MDGA2: variants seen among roughly 807,000 people sequenced by gnomAD.
MDGA2 encodes the protein MAM domain-containing glycosylphosphatidylinositol anchor protein 2.
MDGA2 carries 40 observed loss-of-function variants against 117.8 expected under a neutral mutation model. The ratio of observed to expected loss-of-function variants is 0.34; its 90% CI spans 0.26 to 0.44. The LOEUF is 0.44. Ranked by LOEUF, MDGA2 falls within the 20% of genes least tolerant of loss-of-function variation. MDGA2 has a pLI of 1.00. For missense variants in MDGA2, 1,123 were observed against 1,250.6 expected (o/e 0.90, Z 1.54); for synonymous variants, 452 against 439.0 (o/e 1.03, Z -0.37).
intron 1 of MDGA2, among the ~76,000 whole-genome samples, chr14:47,474,211 A>G (rs1457518035): frequency 1.3e-5 from 2 of 152,208 alleles, no homozygotes; most frequent in African/African-American, 2.4e-5. Flanking sequence ...GAGCCAAATC[A>G]TAAATAAACT....
chr14:47,059,361 T>C, intron 7 of MDGA2: 1 of 1,251,152 alleles, frequency 8.0e-7, no homozygotes, highest in Non-Finnish European at 1.0e-6. Context: ...ATATATTTCT[T>C]TTATCTCCAA....
At chr14:47,311,231 TATC>T in intron 1 of MDGA2, among the ~76,000 whole-genome samples, 1 of 152,278 alleles carries the variant, frequency 6.6e-6, no homozygotes, top group Admixed American at 6.5e-5. Context: ...AAATTAGTCT[TATC>T]ATTGTGCTCC....
chr14:47,505,868 A>T (rs1468453665), intron 1 of MDGA2, among the ~76,000 whole-genome samples: 2 of 152,286 alleles, frequency 1.3e-5, no homozygotes, highest in African/African-American at 4.8e-5. Flanking sequence ...CTAAATTTAG[A>T]AAAATAATAA....
intron 3 of MDGA2, among the ~76,000 whole-genome samples, chr14:47,180,021 TAACTTTTATTTTA>T (rs35725135): frequency 0.21 from 32,110 of 150,494 alleles, 3,819 homozygotes; most frequent in East Asian, 0.42. Context: ...TTCTATTCTT[TAACTTTTATTTTA>T]AACTTTTATT....
intron 15 of MDGA2, among the ~76,000 whole-genome samples, chr14:46,851,552 T>C: frequency 6.6e-6 from 1 of 151,856 alleles, no homozygotes. Context: ...GCAAACTAAT[T>C]GGACACACTC....
rs150976862 is a variant in MDGA2, at chr14:47,532,744, T to C, written c.280+141773A>G. Reference sequence around the variant, plus strand: ...AACTTTTTATTGCTGCCAGTAACAGTAGAACTAATCCAAAGTCATTTTTTA... The same window carrying C: ...AACTTTTTATTGCTGCCAGTAACAGCAGAACTAATCCAAAGTCATTTTTTA... On this transcript the variant is annotated intron_variant, in intron 1 of 16. Transcript: ENST00000399232. Among the ~76,000 whole-genome samples, 813 of 152,286 alleles carry C rather than the reference T, an allele frequency of 5.3e-3. 9 individuals carry two copies. Among genetic ancestry groups the C allele is most frequent in the African/African-American group, 0.019 (771 of 41,512 alleles).
chr14:47,640,750 C>T (rs562604177), intron 1 of MDGA2, among the ~76,000 whole-genome samples: 4 of 152,034 alleles, frequency 2.6e-5, no homozygotes, highest in Non-Finnish European at 4.4e-5. Flanking sequence ...AATATCCTCA[C>T]GTCCCTCAAT....
intron 1 of MDGA2, among the ~76,000 whole-genome samples, chr14:47,436,495 T>G (rs1892901187): frequency 6.6e-6 from 1 of 152,038 alleles, no homozygotes; most frequent in South Asian, 2.1e-4. Flanking sequence ...GAAAAGAACT[T>G]CCCCTGATGG....
intron 9 of MDGA2, among the ~76,000 whole-genome samples, chr14:46,954,835 T>C (rs1885503256): frequency 6.6e-6 from 1 of 152,122 alleles, no homozygotes; most frequent in Non-Finnish European, 1.5e-5. Flanking sequence ...TATTTTCAAC[T>C]TAAGCCATCC....
At chr14:47,289,644 A>G (rs1298925123) in intron 2 of MDGA2, among the ~76,000 whole-genome samples, 2 of 152,080 alleles carry the variant, frequency 1.3e-5, no homozygotes. Context: ...TTAAAATGAT[A>G]TATTTATAAC....
chr14:46,957,626 G>A lies in MDGA2; in HGVS notation c.1837C>T (p.Pro613Ser). ...CCTTGCCGGATTTCCAAGAATGCTG[G>A]TTCCACTGCAGGGGGATCTGTAGAA... ...LIVQYPPAVE[P>S]AFLEIRQGQD... Residue 613 changes from proline to serine, a missense_variant, in exon 9 of 17, where the codon CCA becomes TCA. Pro to Ser is a moderately conservative substitution (Grantham distance 74). Around this residue, in one of 2 missense-constraint regions of MDGA2, gnomAD observed 890 missense variants for 1,050.3 expected, o/e 0.85. Coordinates refer to ENST00000399232, the MANE Select transcript of MDGA2 (RefSeq NM_001113498.3). 1.2e-6 allele frequency: 2 copies of A among 1,614,116 alleles called. No homozygotes were observed. Among genetic ancestry groups the A allele is most frequent in the Non-Finnish European group, 8.5e-7 (1 of 1,179,976 alleles).
chr14:46,932,899 GAACT>G (rs1452547172), intron 9 of MDGA2, among the ~76,000 whole-genome samples: 1 of 151,478 alleles, frequency 6.6e-6, no homozygotes, highest in Non-Finnish European at 1.5e-5. Flanking sequence ...AAGATTTCTA[GAACT>G]AATAAGTTAG....
chr14:47,290,016 C>T (rs1316195223), intron 2 of MDGA2, among the ~76,000 whole-genome samples: 1 of 152,144 alleles, frequency 6.6e-6, no homozygotes, highest in Admixed American at 6.6e-5. Flanking sequence ...ATCTCTATCA[C>T]ACAAAATTCC....
chr14:47,275,274 G>A (rs918309214), intron 2 of MDGA2, among the ~76,000 whole-genome samples: 1 of 152,090 alleles, frequency 6.6e-6, no homozygotes, highest in African/African-American at 2.4e-5. Context: ...TTAGAACAGG[G>A]TAGAGTCCCA....
At chr14:47,576,022 C>A (rs1339312756) in intron 1 of MDGA2, among the ~76,000 whole-genome samples, 1 of 152,102 alleles carries the variant, frequency 6.6e-6, no homozygotes, top group Non-Finnish European at 1.5e-5. Flanking sequence ...ATAATTACAT[C>A]ATGTTTGCTT....
intron 1 of MDGA2, among the ~76,000 whole-genome samples, chr14:47,340,400 A>T (rs531917490): frequency 6.6e-5 from 10 of 152,306 alleles, no homozygotes; most frequent in African/African-American, 2.2e-4. Flanking sequence ...AATGAAAAAT[A>T]AAAAATAGCC....
chr14:46,909,561 C>A (rs568541617), intron 10 of MDGA2, among the ~76,000 whole-genome samples: 28 of 152,146 alleles, frequency 1.8e-4, no homozygotes, highest in Admixed American at 1.4e-3. Context: ...CACATAGAAG[C>A]ACTTAACTGA....
At chr14:47,398,134 G>T (rs1892055199) in intron 1 of MDGA2, among the ~76,000 whole-genome samples, 1 of 152,128 alleles carries the variant, frequency 6.6e-6, no homozygotes, top group South Asian at 2.1e-4. Flanking sequence ...AACCCACAGT[G>T]GTTTGGCTTC....
At chr14:46,870,639 C>G (rs2138354240) in intron 14 of MDGA2, among the ~76,000 whole-genome samples, 2 of 151,988 alleles carry the variant, frequency 1.3e-5, no homozygotes, top group Middle Eastern at 3.4e-3. Flanking sequence ...CTGCAACCTT[C>G]AGTCTGATGA....
Sources: gnomAD v4.1 joint callset for allele counts (sites outside exome capture counted in the v4.1 genomes callset) on GRCh38, gnomAD v4.1.1 for gene constraint, gnomAD v4.1.1 regional missense constraint, MANE v1.5 for transcripts, NCBI Gene and HGNC (gene_info 2026-07-23, HGNC 2026-07-21) for gene names.